Variants in MICAL2 observed in about 807,000 individuals in gnomAD.
MICAL2 encodes [F-actin]-monooxygenase MICAL2.
Under a neutral mutation model 127.3 loss-of-function variants are expected in MICAL2, and 77 were observed. That is an observed-to-expected ratio of 0.60 (90% CI 0.50 to 0.73). The LOEUF is 0.73. Ranked by LOEUF, MICAL2 falls within the 30% of genes least tolerant of loss-of-function variation. The pLI, the probability that MICAL2 is intolerant of heterozygous loss-of-function variation, is 0.00. For synonymous variants in MICAL2, 570 were observed against 551.1 expected, an observed-to-expected ratio of 1.03 and a Z score of -0.48; for missense variants, 1,351 against 1,434.4, an observed-to-expected ratio of 0.94 and a Z score of 0.94.
chr11:12,141,008 G>A (rs1476785419), intron 2 of MICAL2, among the ~76,000 whole-genome samples: 1 of 152,200 alleles, frequency 6.6e-6, no homozygotes, highest in Non-Finnish European at 1.5e-5. Context: ...GTTGTGGCAA[G>A]GGCTGGAGAA....
chr11:12,260,402 C>CTATAGAATG (rs1862945638), intron 26 of MICAL2: 1 of 1,254,170 alleles, frequency 8.0e-7, no homozygotes, highest in Non-Finnish European at 1.0e-6. Flanking sequence ...GCTTTGTGAG[C>CTATAGAATG]CATACTTCTG....
chr11:12,186,670 T>A (rs894515950), intron 3 of MICAL2, among the ~76,000 whole-genome samples: 3 of 152,240 alleles, frequency 2.0e-5, no homozygotes, highest in South Asian at 4.1e-4. Context: ...ATAGGAGAGA[T>A]GGACCCAGGG....
At chr11:12,262,615 GC>G (rs1210344023) in intron 27 of MICAL2, 78 bp downstream of exon 27, 17 of 1,220,878 alleles carry the variant, frequency 1.4e-5, no homozygotes, top group Non-Finnish European at 2.1e-5. Context: ...CTCTCCGCCA[GC>G]AGTACTGGTT....
rs144072508 is a variant in MICAL2, at chr11:12,215,763, A to C, written c.848-456A>C. 3.7e-3 allele frequency among the ~76,000 whole-genome samples: 560 copies of C among 152,334 alleles called. 5 individuals are homozygous for C. The highest frequency in any genetic ancestry group is 0.013 in the African/African-American group (534 of 41,570). On this transcript the variant is annotated intron_variant, in intron 7 of 27. Coordinates refer to ENST00000683283, the MANE Select transcript of MICAL2 (RefSeq NM_001282663.2). ...CTCGGGTTTTCACATACAAGCCGGG[A>C]AACAGTAGAAATATTCCTTGGCATA...
chr11:12,288,744 A>G (rs956147278), downstream of MICAL2, among the ~76,000 whole-genome samples: 1 of 152,278 alleles, frequency 6.6e-6, no homozygotes, highest in East Asian at 1.9e-4. Context: ...AAGGGAGGAC[A>G]TGGATTCAGG....
downstream of MICAL2, among the ~76,000 whole-genome samples, chr11:12,296,226 C>T (rs1290752617): frequency 2.6e-5 from 4 of 151,778 alleles, no homozygotes; most frequent in African/African-American, 9.7e-5. Flanking sequence ...TCCTACCATC[C>T]CTATTGTTGA....
chr11:12,169,268 GA>G (rs1855946091), intron 3 of MICAL2, among the ~76,000 whole-genome samples: 1 of 152,068 alleles, frequency 6.6e-6, no homozygotes, highest in South Asian at 2.1e-4. Context: ...TTTTTTCACT[GA>G]AAAATATATC....
intron 15 of MICAL2, among the ~76,000 whole-genome samples, chr11:12,228,395 T>C (rs186110991): frequency 1.3e-5 from 2 of 152,296 alleles, no homozygotes; most frequent in Admixed American, 6.5e-5. Flanking sequence ...TGCTACTCCG[T>C]TGTACTTCAT....
downstream of MICAL2, chr11:12,292,215 C>T (rs189204414): frequency 1.4e-4 from 229 of 1,613,980 alleles, 1 homozygote; most frequent in East Asian, 4.6e-3. Flanking sequence ...CTTCCTTCAT[C>T]GTCTTCCCAT....
intron 3 of MICAL2, among the ~76,000 whole-genome samples, chr11:12,169,797 G>C (rs187450901): frequency 9.4e-4 from 143 of 152,258 alleles, no homozygotes; most frequent in African/African-American, 3.4e-3. Flanking sequence ...TGAGACAAAG[G>C]GTATGTGTGC....
chr11:12,360,771 C>T (rs554528121), downstream of MICAL2, among the ~76,000 whole-genome samples: 12 of 152,324 alleles, frequency 7.9e-5, no homozygotes, highest in South Asian at 2.1e-3. Context: ...CTTTCACAGG[C>T]TGTGCTCTGT....
chr11:12,243,881 C>G (rs1420193296), intron 20 of MICAL2, 106 bp from the exon 21 acceptor site: 3 of 1,388,846 alleles, frequency 2.2e-6, no homozygotes, highest in Non-Finnish European at 3.0e-6. Flanking sequence ...GGTCTCCTTT[C>G]TTTGCCTTCT....
chr11:12,147,361 C>T (rs977662261), intron 2 of MICAL2, among the ~76,000 whole-genome samples: 1 of 152,168 alleles, frequency 6.6e-6, no homozygotes, highest in Non-Finnish European at 1.5e-5. Context: ...CTACTGGGAG[C>T]AGGCACCATG....
intron 25 of MICAL2, 182 bp from the exon 26 acceptor site, chr11:12,259,613 A>G (rs373184419): frequency 1.2e-5 from 6 of 505,108 alleles, no homozygotes; most frequent in African/African-American, 9.8e-5. Flanking sequence ...TCCTATGGTC[A>G]GTTGGCCCCT....
upstream of MICAL2, among the ~76,000 whole-genome samples, chr11:12,272,491 G>T (rs1271759151): frequency 6.6e-6 from 1 of 152,166 alleles, no homozygotes; most frequent in East Asian, 1.9e-4. Context: ...CCTAGCACAG[G>T]CCTGGATCTG....
intron 1 of MICAL2, among the ~76,000 whole-genome samples, chr11:12,114,233 G>A (rs535339669): frequency 3.3e-5 from 5 of 152,284 alleles, no homozygotes; most frequent in South Asian, 2.1e-4. Flanking sequence ...TAAAGCAAAT[G>A]TCTAATGTCA....
chr11:12,333,711 T>C (rs1938691511), intron 32 of MICAL2, among the ~76,000 whole-genome samples: 1 of 152,174 alleles, frequency 6.6e-6, no homozygotes. Flanking sequence ...GAAAAATTAA[T>C]TGCATTTCAA....
chr11:12,273,232 C>G (rs1156381079), upstream of MICAL2, among the ~76,000 whole-genome samples: 3 of 152,182 alleles, frequency 2.0e-5, no homozygotes, highest in South Asian at 2.1e-4. Flanking sequence ...GGGGTAATAA[C>G]AACGCTTTTC....
Position 12,259,902 on chromosome 11 carries a change from C to T in MICAL2, c.3334+5C>T. The T allele has an allele frequency of 1.9e-6, 3 of 1,613,324 alleles. No homozygotes were observed. Among genetic ancestry groups the T allele is most frequent in the Non-Finnish European group, 2.5e-6 (3 of 1,179,574 alleles). ...CCCTGGAAGGCAGCCCCCCAGGTATCTCCACCTCCTTCTTTAGGAAGGTGC... is the reference window on the plus strand; with the variant it reads ...CCCTGGAAGGCAGCCCCCCAGGTATTTCCACCTCCTTCTTTAGGAAGGTGC... On this transcript the variant is annotated splice_donor_5th_base_variant and intron_variant, in intron 26 of 27. Transcript: ENST00000683283.
Sources: gnomAD v4.1 joint callset for allele counts (sites outside exome capture counted in the v4.1 genomes callset) on GRCh38, gnomAD v4.1.1 for gene constraint, MANE v1.5 for transcripts, NCBI Gene and HGNC (gene_info 2026-07-23, HGNC 2026-07-21) for gene names.